LUZP2: variants seen among roughly 807,000 people sequenced by gnomAD.
LUZP2 encodes leucine zipper protein 2.
In LUZP2, 52 loss-of-function variants were observed where a neutral mutation model predicts 51.6. The observed-to-expected ratio is 1.01, with a 90% CI of 0.81 to 1.27. The LOEUF is 1.27. LUZP2 is among the 50% of genes most tolerant of loss of function. LUZP2 has a pLI of 0.00. For missense variants in LUZP2, 436 were observed against 395.4 expected (o/e 1.10, Z -0.87); for synonymous variants, 154 against 137.3 (o/e 1.12, Z -0.85).
At position 25,002,613 on chromosome 11, in the gene LUZP2, C is replaced by A. The variant is rs568785898; in HGVS notation, c.765+19320C>A. 5.9e-5 allele frequency among the ~76,000 whole-genome samples: 9 copies of A among 152,304 alleles called. No homozygotes were observed. The South Asian group carries it at 1.7e-3, about 28-fold the overall frequency. Reference sequence around the variant, plus strand: ...GCCTCTGACACTAAGATGGCCACCACCGCAACTACCTGCAAACAGTGAGGC... The same window carrying A: ...GCCTCTGACACTAAGATGGCCACCAACGCAACTACCTGCAAACAGTGAGGC... On this transcript the variant is annotated intron_variant, in intron 9 of 11. Coordinates refer to ENST00000336930, the MANE Select transcript of LUZP2 (RefSeq NM_001009909.4).
chr11:24,916,154 CT>C (rs140279738), intron 7 of LUZP2, among the ~76,000 whole-genome samples: 1,754 of 151,898 alleles, frequency 0.012, 38 homozygotes, highest in African/African-American at 0.039. Flanking sequence ...CTGCCTTTAG[CT>C]TGGAAGAGGC....
intron 5 of LUZP2, among the ~76,000 whole-genome samples, chr11:24,871,291 C>T (rs1852063295): frequency 6.6e-6 from 1 of 152,004 alleles, no homozygotes; most frequent in Non-Finnish European, 1.5e-5. Context: ...AAGTTGTCAA[C>T]CATCACAATT....
At chr11:24,695,626 C>G (rs1335309480) in intron 1 of LUZP2, among the ~76,000 whole-genome samples, 1 of 151,988 alleles carries the variant, frequency 6.6e-6, no homozygotes, top group Admixed American at 6.6e-5. Flanking sequence ...ATGGGAGTAT[C>G]TTCCTTTCAA....
intron 5 of LUZP2, chr11:24,785,737 A>T: frequency 3.2e-6 from 1 of 313,404 alleles, no homozygotes. Flanking sequence ...CTAGGATGCT[A>T]CATATGTGCT....
At chr11:24,722,657 C>T (rs1033141843) in intron 1 of LUZP2, among the ~76,000 whole-genome samples, 2 of 152,110 alleles carry the variant, frequency 1.3e-5, no homozygotes, top group Non-Finnish European at 2.9e-5. Context: ...GTGGTTCATT[C>T]TTGTAATCCC....
At chr11:24,526,068 C>A (rs1021725897) in intron 1 of LUZP2, among the ~76,000 whole-genome samples, 4 of 151,256 alleles carry the variant, frequency 2.6e-5, no homozygotes, top group African/African-American at 9.7e-5. Context: ...AATTTGCTTT[C>A]TTTGTTCATT....
chr11:24,535,343 T>C (rs1851145215), intron 1 of LUZP2, among the ~76,000 whole-genome samples: 1 of 151,578 alleles, frequency 6.6e-6, no homozygotes, highest in African/African-American at 2.4e-5. Context: ...ACAAAAGACT[T>C]CTCTTTAACA....
intron 1 of LUZP2, among the ~76,000 whole-genome samples, chr11:24,528,098 C>A (rs369655265): frequency 1.4e-3 from 218 of 151,136 alleles, no homozygotes; most frequent in African/African-American, 5.1e-3. Flanking sequence ...TTTGATGAAG[C>A]ATAAGAGTTC....
chr11:24,973,499 T>C (rs1365468291), intron 7 of LUZP2, among the ~76,000 whole-genome samples: 1 of 151,906 alleles, frequency 6.6e-6, no homozygotes, highest in Non-Finnish European at 1.5e-5. Context: ...GTTTGTTTGC[T>C]CTTGGTCCTC....
rs987724643 is a variant in LUZP2, at chr11:24,924,619, C to A, written c.522+10081C>A. On this transcript the variant is annotated intron_variant, in intron 7 of 11. Coordinates refer to ENST00000336930, the MANE Select transcript of LUZP2 (RefSeq NM_001009909.4). ...AAGTTTATTTTGCCAAGGTTAAGGG[C>A]ATACCTGTGACACAGCCTTAGAAAA... 3.9e-5 allele frequency among the ~76,000 whole-genome samples: 6 copies of A among 152,260 alleles called. No homozygotes were observed. In the East Asian group the frequency reaches 1.2e-3, roughly 29 times the overall value.
At chr11:24,515,742 AG>A (rs1227545615) in intron 1 of LUZP2, among the ~76,000 whole-genome samples, 1 of 152,200 alleles carries the variant, frequency 6.6e-6, no homozygotes, top group Non-Finnish European at 1.5e-5. Flanking sequence ...AACTAATCAT[AG>A]GCTCTCCAGT....
At chr11:24,526,471 T>A (rs1001615960) in intron 1 of LUZP2, among the ~76,000 whole-genome samples, 4 of 131,510 alleles carry the variant, frequency 3.0e-5, no homozygotes, top group South Asian at 2.5e-4. Flanking sequence ...TTTTTTTTTT[T>A]ATAATGCAGT....
chr11:25,045,697 T>C (rs1227632571), intron 9 of LUZP2, among the ~76,000 whole-genome samples: 1 of 152,118 alleles, frequency 6.6e-6, no homozygotes, highest in East Asian at 1.9e-4. Context: ...AAAATCAAAT[T>C]TCCATCATTG....
At chr11:24,801,405 T>C (rs1251188000) in intron 5 of LUZP2, among the ~76,000 whole-genome samples, 1 of 152,014 alleles carries the variant, frequency 6.6e-6, no homozygotes, top group African/African-American at 2.4e-5. Flanking sequence ...CAGGTTTTGG[T>C]GATGTATTGT....
intron 1 of LUZP2, among the ~76,000 whole-genome samples, chr11:24,627,084 T>C (rs1314596107): frequency 6.6e-6 from 1 of 152,076 alleles, no homozygotes; most frequent in Non-Finnish European, 1.5e-5. Flanking sequence ...AGAAAGACAA[T>C]AATAAATCAG....
chr11:24,923,468 G>C (rs1292635278), intron 7 of LUZP2, among the ~76,000 whole-genome samples: 1 of 151,934 alleles, frequency 6.6e-6, no homozygotes, highest in Non-Finnish European at 1.5e-5. Flanking sequence ...AGGCCGAGGT[G>C]GGGGTATCAC....
chr11:24,847,902 C>T (rs1364523256), intron 5 of LUZP2, among the ~76,000 whole-genome samples: 1 of 152,086 alleles, frequency 6.6e-6, no homozygotes, highest in Admixed American at 6.6e-5. Context: ...CTTACGCTAT[C>T]TCAGTTATGG....
chr11:24,730,138 A>AGTG (rs1217951516), intron 2 of LUZP2, among the ~76,000 whole-genome samples: 3 of 151,006 alleles, frequency 2.0e-5, no homozygotes, highest in Admixed American at 6.6e-5. Flanking sequence ...TGATGGTGGT[A>AGTG]GTGGTGGTGG....
rs186574545 is a variant in LUZP2, at chr11:24,949,619, A to T, written c.523-26972A>T. ...AAACATTATCTTCAATACAAACTGT[A>T]CTGTGTGCTTCCTCAGAGGCAGCGG... On this transcript the variant is annotated intron_variant, in intron 7 of 11. Transcript: ENST00000336930. Among the ~76,000 whole-genome samples the T allele has an allele frequency of 2.7e-3, 412 of 151,664 alleles. 2 individuals carry two copies. Among genetic ancestry groups the T allele is most frequent in the African/African-American group, 9.4e-3 (389 of 41,500 alleles).
Sources: gnomAD v4.1 joint callset for allele counts (sites outside exome capture counted in the v4.1 genomes callset) on GRCh38, gnomAD v4.1.1 for gene constraint, MANE v1.5 for transcripts, NCBI Gene and HGNC (gene_info 2026-07-23, HGNC 2026-07-21) for gene names.